HELZ: variants seen among roughly 807,000 people sequenced by gnomAD.
The protein encoded by HELZ is helicase with zinc finger.
A neutral mutation model predicts 218.2 loss-of-function variants in HELZ; 23 were observed. That is an observed-to-expected ratio of 0.11 (90% CI 0.08 to 0.15). The LOEUF (loss-of-function observed/expected upper bound fraction) is 0.15, where lower values mean the gene tolerates loss of function less well. HELZ is among the 10% of genes least tolerant of loss of function. The pLI is 1.00. For synonymous variants in HELZ, 814 were observed against 829.4 expected, an observed-to-expected ratio of 0.98 and a Z score of 0.32; for missense variants, 1,813 against 2,353.7, an observed-to-expected ratio of 0.77 and a Z score of 4.75.
At chr17:67,232,900 A>T (rs935298615) in intron 3 of HELZ, among the ~76,000 whole-genome samples, 1 of 152,184 alleles carries the variant, frequency 6.6e-6, no homozygotes, top group Admixed American at 6.5e-5. Context: ...TTGGGAGGCC[A>T]AGGTAGGTGG....
Position 67,149,908 on chromosome 17 carries a change from T to G in HELZ, c.2434A>C (p.Thr812Pro). The G allele has an allele frequency of 6.2e-7, 1 of 1,611,254 alleles. No homozygotes were observed. The highest frequency in any genetic ancestry group is 8.5e-7 in the Non-Finnish European group (1 of 1,178,490). ...CETIMPLALA[T>P]QNTRIVLAGD... ...GCCAAGACAATCCGAGTGTTTTGAG[T>G]TGCTAATGCTAGAGGCATAATGGTT... The change falls in exon 19 of 33, where the codon ACT becomes CCT. Residue 812 changes from threonine to proline, a missense_variant. Physicochemically the swap from Thr to Pro is conservative, Grantham distance 38 (BLOSUM62 -1). Around this residue, in one of 4 missense-constraint regions of HELZ, gnomAD observed 714 missense variants for 1,029.2 expected, o/e 0.69. Transcript: ENST00000358691.
At chr17:67,219,899 A>C (rs1175553478) in intron 3 of HELZ, among the ~76,000 whole-genome samples, 13 of 152,180 alleles carry the variant, frequency 8.5e-5, no homozygotes. Context: ...TAGCTATAAC[A>C]CTCATGGCAG....
intron 7 of HELZ, among the ~76,000 whole-genome samples, chr17:67,197,579 A>C (rs2040064433): frequency 6.6e-6 from 1 of 152,148 alleles, no homozygotes; most frequent in Non-Finnish European, 1.5e-5. Context: ...ATTGCTTTTC[A>C]TGGACATCTC....
At chr17:67,174,853 G>A (rs548915774) in intron 13 of HELZ, among the ~76,000 whole-genome samples, 4 of 152,192 alleles carry the variant, frequency 2.6e-5, no homozygotes, top group Admixed American at 2.0e-4. Context: ...AGTTCACAGA[G>A]GACTCATACA....
In HELZ at chr17:67,187,962, T is replaced by C. The variant is rs569580882; in HGVS notation, c.1162+357A>G. ...AGGACATGAAAATAAACATTGTAGGTATATACACAATTACCATTAAAATGA... is the reference window on the plus strand; with the variant it reads ...AGGACATGAAAATAAACATTGTAGGCATATACACAATTACCATTAAAATGA... On this transcript the variant is annotated intron_variant, in intron 12 of 32. Transcript: ENST00000358691. Among the ~76,000 whole-genome samples the C allele has an allele frequency of 9.2e-5, 14 of 152,282 alleles. 1 individual carries two copies. The South Asian group carries it at 1.2e-3, about 14-fold the overall frequency.
intron 17 of HELZ, among the ~76,000 whole-genome samples, chr17:67,156,365 C>T (rs2038842651): frequency 2.0e-5 from 3 of 151,900 alleles, no homozygotes; most frequent in Non-Finnish European, 1.5e-5. Flanking sequence ...TACTTAAATC[C>T]TCATATTCTC....
At position 67,178,808 on chromosome 17, in the gene HELZ, G is replaced by C. The variant is rs751834562; in HGVS notation, c.1281C>G (p.Ser427Arg). The C allele has an allele frequency of 6.2e-7, 1 of 1,613,650 alleles. No individual in the cohort carries two copies. Among genetic ancestry groups the C allele is most frequent in the Non-Finnish European group, 8.5e-7 (1 of 1,179,836 alleles). Reference sequence around the variant, plus strand: ...GGGGAATTTGGTATCTGATAAGAAGGCTCTTCTCCAAATCAGTAGTTTCAT... The same window carrying C: ...GGGGAATTTGGTATCTGATAAGAAGCCTCTTCTCCAAATCAGTAGTTTCAT... Reference protein sequence around the residue: ...EPNETTDLEKSLLIRYQIPLS... With the variant: ...EPNETTDLEKRLLIRYQIPLS... Residue 427 changes from serine to arginine, a missense_variant, in exon 13 of 33, where the codon AGC becomes AGG. This residue lies in a region of HELZ where 714 missense variants were observed against 1,029.2 expected (regional missense o/e 0.69). Coordinates refer to ENST00000358691, the MANE Select transcript of HELZ (RefSeq NM_014877.4).
intron 3 of HELZ, among the ~76,000 whole-genome samples, chr17:67,221,837 T>C (rs1376559019): frequency 6.6e-6 from 1 of 150,902 alleles, no homozygotes; most frequent in Non-Finnish European, 1.5e-5. Context: ...GTTGCTGTTT[T>C]TTGTGTTTTT....
intron 31 of HELZ, among the ~76,000 whole-genome samples, chr17:67,105,592 G>A (rs1183086393): frequency 6.6e-6 from 1 of 152,056 alleles, no homozygotes; most frequent in African/African-American, 2.4e-5. Flanking sequence ...AATTTAAAAT[G>A]GCTAAAATGG....
chr17:67,086,631 A>ATATATAT (rs1598183996), intron 32 of HELZ, among the ~76,000 whole-genome samples, 198 bp downstream of exon 32: 72 of 93,286 alleles, frequency 7.7e-4, no homozygotes, highest in African/African-American at 2.8e-3. Flanking sequence ...TATAAATATA[A>ATATATAT]ATATATATAT....
At chr17:67,170,618 G>C (rs1283242587) in intron 13 of HELZ, among the ~76,000 whole-genome samples, 1 of 151,584 alleles carries the variant, frequency 6.6e-6, no homozygotes, top group East Asian at 2.0e-4. Flanking sequence ...CTTGAGGTCA[G>C]GAGTTCAAGA....
rs749351744 is a variant in HELZ at position 67,231,277 on chromosome 17, G to T, written c.-19+8156C>A. On this transcript the variant is annotated intron_variant, in intron 3 of 32. Coordinates refer to ENST00000358691, the MANE Select transcript of HELZ (RefSeq NM_014877.4). Reference sequence around the variant, plus strand: ...GGAAAACTGGTGAAATCCAAATAAAGTCTAAAAATTAGTTAATAGAAATGT... The same window carrying T: ...GGAAAACTGGTGAAATCCAAATAAATTCTAAAAATTAGTTAATAGAAATGT... Among the ~76,000 whole-genome samples, 5 of 152,164 alleles carry T rather than the reference G, an allele frequency of 3.3e-5. No individual in the cohort carries two copies. The East Asian group carries it at 9.6e-4, about 29-fold the overall frequency.
At position 67,108,448 on chromosome 17, in the gene HELZ, G is replaced by T; in HGVS notation, c.4724+44C>A. 1 of 1,422,666 alleles carries T rather than the reference G, an allele frequency of 7.0e-7. No individual in the cohort carries two copies. Among genetic ancestry groups the T allele is most frequent in the Non-Finnish European group, 9.9e-7 (1 of 1,009,696 alleles). 88.1% of individuals were successfully genotyped at this position (1,422,666 alleles called of 1,614,324 possible). On this transcript the variant is annotated intron_variant, in intron 30 of 32. Transcript: ENST00000358691. The surrounding 1 kb of genome is among the most constrained non-coding windows in gnomAD (Gnocchi z 4.1). ...GACTACAGTCAAAAAAGAGAACAGT[G>T]AGGGGGTCGCATTCCAGGGGCTATT...
intron 31 of HELZ, among the ~76,000 whole-genome samples, chr17:67,096,126 A>G (rs1043499358): frequency 2.6e-5 from 4 of 151,446 alleles, no homozygotes; most frequent in African/African-American, 9.7e-5. Flanking sequence ...GAATCTTTTT[A>G]AAAAATCCCA....
At chr17:67,199,311 C>A (rs541354543) in intron 7 of HELZ, among the ~76,000 whole-genome samples, 3 of 149,256 alleles carry the variant, frequency 2.0e-5, no homozygotes, top group Non-Finnish European at 3.0e-5. Context: ...CTCCTGGGTT[C>A]AAGCCATTCT....
At chr17:67,097,525 T>C (rs1052873975) in intron 31 of HELZ, among the ~76,000 whole-genome samples, 1 of 152,196 alleles carries the variant, frequency 6.6e-6, no homozygotes, top group African/African-American at 2.4e-5. Context: ...GCACTTATAA[T>C]TTACAAATAG....
chr17:67,112,017 G>A (rs1016837128), intron 28 of HELZ, among the ~76,000 whole-genome samples: 14 of 152,138 alleles, frequency 9.2e-5, no homozygotes, highest in African/African-American at 1.7e-4. Context: ...CTAGGTCTGC[G>A]TCACAGAAAT....
chr17:67,152,767 TAA>T (rs368609592), intron 17 of HELZ, among the ~76,000 whole-genome samples: 4 of 124,832 alleles, frequency 3.2e-5, no homozygotes, highest in Non-Finnish European at 3.3e-5. Flanking sequence ...AGAGTAGATT[TAA>T]AAAAAAAAAA....
chr17:67,114,378 T>C lies in HELZ; in HGVS notation c.3864A>G (p.Gly1288=). The C allele has an allele frequency of 6.2e-7, 1 of 1,610,106 alleles. No homozygotes were observed. Among genetic ancestry groups the C allele is most frequent in the Non-Finnish European group, 8.5e-7 (1 of 1,176,472 alleles). ...RNGKSDTNNS[G]PEINKIRTPE... is the part of the protein sequence containing the mutation. ...GTGTTCGAATCTTATTAATTTCAGG[T>C]CCGGAATTATTTGTATCACTTTTAC... Residue 1288 remains glycine (G), a synonymous_variant, in exon 28 of 33, where the codon GGA becomes GGG. Coordinates refer to ENST00000358691, the MANE Select transcript of HELZ (RefSeq NM_014877.4).
Sources: gnomAD v4.1 joint callset for allele counts (sites outside exome capture counted in the v4.1 genomes callset) on GRCh38, gnomAD v4.1.1 for gene constraint, gnomAD v4.1.1 regional missense constraint, Gnocchi (gnomAD v3.1) non-coding constraint, MANE v1.5 for transcripts, NCBI Gene and HGNC (gene_info 2026-07-23, HGNC 2026-07-21) for gene names.